Variants in DMXL1 observed in about 807,000 individuals in gnomAD.
The protein encoded by DMXL1 is Dmx like 1.
DMXL1 carries 99 observed loss-of-function variants against 319.2 expected under a neutral mutation model. The ratio of observed to expected loss-of-function variants is 0.31; its 90% confidence interval spans 0.26 to 0.37. The LOEUF (loss-of-function observed/expected upper bound fraction) is 0.37, where lower values mean the gene tolerates loss of function less well. Among genes scored for constraint, DMXL1 ranks in the 10% least tolerant of loss-of-function variants. DMXL1 has a pLI of 1.00. For missense variants in DMXL1, 3,745 were observed against 3,595.6 expected, an observed-to-expected ratio of 1.04 and a Z score of -1.06; for synonymous variants, 1,385 against 1,235.2, an observed-to-expected ratio of 1.12 and a Z score of -2.54.
intron 28 of DMXL1, 69 bp downstream of exon 28, chr5:119,178,313 T>G: frequency 6.7e-7 from 1 of 1,491,318 alleles, no homozygotes; most frequent in Non-Finnish European, 9.1e-7. Context: ...CAAACGTAAT[T>G]ACATTTTAAT....
intron 43 of DMXL1, among the ~76,000 whole-genome samples, chr5:119,245,805 G>C (rs968261803): frequency 3.3e-5 from 5 of 151,816 alleles, no homozygotes; most frequent in Non-Finnish European, 7.4e-5. Context: ...GCCTCCCAAA[G>C]TGCTGGGATT....
chr5:119,075,976 A>G (rs754082101), intron 1 of DMXL1, among the ~76,000 whole-genome samples: 1 of 152,172 alleles, frequency 6.6e-6, no homozygotes, highest in Non-Finnish European at 1.5e-5. Flanking sequence ...TATGCATACT[A>G]TTGATATGAT....
At chr5:119,173,776 G>GTATGTATATATATATATATA (rs1554127642) in intron 25 of DMXL1, among the ~76,000 whole-genome samples, 1 of 67,170 alleles carries the variant, frequency 1.5e-5, no homozygotes, top group South Asian at 5.4e-4. Context: ...ATGTGTGTGT[G>GTATGTATATATATATATATA]TATATATATA....
intron 19 of DMXL1, 113 bp from the exon 20 acceptor site, chr5:119,164,394 G>A (rs1772973660): frequency 1.1e-6 from 1 of 932,744 alleles, no homozygotes; most frequent in Non-Finnish European, 1.5e-6. Flanking sequence ...ATCTTAAACT[G>A]TGAGTCTCAT....
chr5:119,209,667 A>G (rs1170177190), intron 34 of DMXL1, among the ~76,000 whole-genome samples: 6 of 152,086 alleles, frequency 3.9e-5, no homozygotes, highest in Non-Finnish European at 8.8e-5. Flanking sequence ...ATTCTTACCA[A>G]CAGTTGGTGT....
intron 26 of DMXL1, 103 bp from the exon 27 acceptor site, chr5:119,177,254 G>A: frequency 2.8e-6 from 2 of 719,008 alleles, no homozygotes; most frequent in South Asian, 2.7e-5. Flanking sequence ...TGTACTAGCA[G>A]TATAATTAAT....
At chr5:119,155,335 C>T (rs1322936398) in intron 19 of DMXL1, among the ~76,000 whole-genome samples, 1 of 152,094 alleles carries the variant, frequency 6.6e-6, no homozygotes. Context: ...ATTCTAGATG[C>T]CATTGGGGAC....
At chr5:119,107,669 T>C (rs1382016149) in intron 4 of DMXL1, among the ~76,000 whole-genome samples, 1 of 152,234 alleles carries the variant, frequency 6.6e-6, no homozygotes, top group Non-Finnish European at 1.5e-5. Context: ...TAATCTTTTA[T>C]GGGATATCTT....
chr5:119,162,322 G>T (rs1307231297), intron 19 of DMXL1, among the ~76,000 whole-genome samples: 1 of 152,200 alleles, frequency 6.6e-6, no homozygotes, highest in Admixed American at 6.5e-5. Flanking sequence ...TCTTTGTGCA[G>T]GGGTGTCTGT....
chr5:119,121,248 C>T (rs1761979310), intron 9 of DMXL1, 109 bp downstream of exon 9: 1 of 822,552 alleles, frequency 1.2e-6, no homozygotes, highest in Non-Finnish European at 1.7e-6. Context: ...AGGTGACTGT[C>T]TTAGCCTATT....
chr5:119,218,436 TTTTATTTTATTTTAC>T (rs1321192041), intron 35 of DMXL1, among the ~76,000 whole-genome samples: 7 of 151,836 alleles, frequency 4.6e-5, no homozygotes, highest in Non-Finnish European at 1.0e-4. Flanking sequence ...ATTTATTTTA[TTTTATTTTATTTTAC>T]TTTATTTTAT....
intron 10 of DMXL1, 45 bp from the exon 11 acceptor site, chr5:119,133,086 AT>A (rs1561675151): frequency 1.2e-6 from 2 of 1,600,788 alleles, no homozygotes; most frequent in East Asian, 4.5e-5. Flanking sequence ...ATTTATAGTA[AT>A]AACCTGTTTG....
intron 43 of DMXL1, 76 bp from the exon 44 acceptor site, chr5:119,246,919 C>T: frequency 1.8e-6 from 2 of 1,110,306 alleles, no homozygotes; most frequent in Non-Finnish European, 2.6e-6. Context: ...AGGCATGAGC[C>T]ACCGCACCTG....
intron 1 of DMXL1, among the ~76,000 whole-genome samples, chr5:119,091,755 G>T (rs567091242): frequency 2.0e-4 from 30 of 152,272 alleles, no homozygotes; most frequent in African/African-American, 7.0e-4. Context: ...AGCAGAGGGG[G>T]AATGCTGGCT....
chr5:119,087,842 C>A (rs572567424), intron 1 of DMXL1, among the ~76,000 whole-genome samples: 2 of 151,934 alleles, frequency 1.3e-5, no homozygotes, highest in Non-Finnish European at 2.9e-5. Flanking sequence ...CGTTCTGTTG[C>A]CCAGGCTGGA....
rs1469822560 is a variant in DMXL1, at chr5:119,149,393, C to G, written c.3566C>G (p.Thr1189Ser). The G allele has an allele frequency of 6.2e-7, 1 of 1,613,878 alleles. No homozygotes were observed. ...CTGGCATTTCCTCTCTGGGAGAGTACCAAAGTTGTGCCCCTTTCTAAATTT... is the reference window on the plus strand; with the variant it reads ...CTGGCATTTCCTCTCTGGGAGAGTAGCAAAGTTGTGCCCCTTTCTAAATTT... ...ETLAFPLWES[T>S]KVVPLSKFVL... The change falls in exon 18 of 44, where the codon ACC (threonine) becomes AGC (serine). Residue 1189 changes from threonine to serine, a missense_variant. Around this residue, in one of 4 missense-constraint regions of DMXL1, gnomAD observed 2,096 missense variants for 1,985.4 expected, o/e 1.06. Transcript: ENST00000539542.
intron 42 of DMXL1, among the ~76,000 whole-genome samples, chr5:119,242,953 A>G (rs899141050): frequency 6.6e-6 from 1 of 152,210 alleles, no homozygotes; most frequent in East Asian, 1.9e-4. Context: ...TTAACTCAAA[A>G]TGGACCATAA....
intron 19 of DMXL1, among the ~76,000 whole-genome samples, chr5:119,156,568 A>G (rs562011878): frequency 1.2e-4 from 19 of 152,262 alleles, no homozygotes; most frequent in South Asian, 4.1e-4. Context: ...GAGTGCAGCT[A>G]TCTCTTCAAC....
intron 9 of DMXL1, among the ~76,000 whole-genome samples, chr5:119,121,421 C>A (rs1762022270): frequency 6.6e-6 from 1 of 151,906 alleles, no homozygotes; most frequent in South Asian, 2.1e-4. Context: ...AGGCAGAGGA[C>A]CCTGCGGCCT....
Sources: allele counts gnomAD v4.1 joint callset (sites outside exome capture counted in the v4.1 genomes callset), GRCh38; gene constraint gnomAD v4.1.1; regional missense constraint gnomAD v4.1.1; transcripts MANE v1.5; gene names NCBI Gene and HGNC (gene_info 2026-07-23, HGNC 2026-07-21).